CLHC1: variants seen among roughly 807,000 people sequenced by gnomAD.
CLHC1 encodes the protein clathrin heavy chain linker domain containing 1.
In CLHC1, 72 loss-of-function variants were observed where a neutral mutation model predicts 69.5. That is an observed-to-expected ratio of 1.04 (90% CI 0.86 to 1.26). CLHC1 has a LOEUF of 1.26. CLHC1 is among the 50% of genes most tolerant of loss of function. The pLI is 0.00. For synonymous variants in CLHC1, 223 were observed against 224.3 expected (o/e 0.99, Z 0.05); for missense variants, 790 against 679.3 (o/e 1.16, Z -1.81).
At chr2:55,200,597 C>T (rs1373157037) in intron 9 of CLHC1, among the ~76,000 whole-genome samples, 2 of 152,152 alleles carry the variant, frequency 1.3e-5, no homozygotes, top group African/African-American at 4.8e-5. Flanking sequence ...ATTCAACACC[C>T]TCACTTTCAG....
chr2:55,206,369 C>G lies in CLHC1; in HGVS notation c.907G>C (p.Glu303Gln). Residue 303 changes from glutamate (E) to glutamine (Q), a missense_variant, in exon 9 of 13, where the codon GAG becomes CAG. By Grantham distance (29) the Glu-to-Gln change is conservative. Transcript: ENST00000401408. ...IMLHYIERFN[E>Q]LISLGEYEKA... ...TCATATTCACCAAGTGAGATTAACT[C>G]ATTAAACCTATAGCCATCACATTTT... is the stretch of plus-strand genomic sequence containing the variant. 2.5e-6 allele frequency: 4 copies of G among 1,575,362 alleles called. No homozygotes were observed. The highest frequency in any genetic ancestry group is 2.2e-5 in the East Asian group (1 of 44,594).
chr2:55,219,891 T>C (rs1673945235), intron 3 of CLHC1, among the ~76,000 whole-genome samples: 1 of 152,164 alleles, frequency 6.6e-6, no homozygotes, highest in Non-Finnish European at 1.5e-5. Flanking sequence ...GCTACCTCCA[T>C]ATCCCTGCCC....
intron 2 of CLHC1, chr2:55,224,814 G>T: frequency 3.3e-6 from 1 of 302,036 alleles, no homozygotes; most frequent in African/African-American, 2.3e-5. Context: ...CGTCAAAGAG[G>T]CCCCCCAGCC....
At chr2:55,192,719 A>G (rs1056229808) in intron 9 of CLHC1, among the ~76,000 whole-genome samples, 2 of 152,132 alleles carry the variant, frequency 1.3e-5, no homozygotes, top group African/African-American at 4.8e-5. Context: ...TCAAAATTCA[A>G]TGGATACAAA....
chr2:55,181,115 G>C (rs572605454), intron 10 of CLHC1, among the ~76,000 whole-genome samples: 32 of 152,162 alleles, frequency 2.1e-4, no homozygotes, highest in African/African-American at 7.5e-4. Context: ...TGAGTAGCAG[G>C]GACTACAGCC....
At chr2:55,200,041 T>C (rs770513128) in intron 9 of CLHC1, among the ~76,000 whole-genome samples, 1 of 151,972 alleles carries the variant, frequency 6.6e-6, no homozygotes, top group Non-Finnish European at 1.5e-5. Context: ...CCAGGCAACA[T>C]GGTGAGACCT....
chr2:55,219,190 G>A (rs1673872843), intron 3 of CLHC1, among the ~76,000 whole-genome samples: 1 of 152,088 alleles, frequency 6.6e-6, no homozygotes, highest in Non-Finnish European at 1.5e-5. Context: ...GAACTCCTCT[G>A]ATATGCTCCA....
chr2:55,204,240 C>T (rs535593464), intron 9 of CLHC1, among the ~76,000 whole-genome samples: 16 of 152,210 alleles, frequency 1.1e-4, no homozygotes, highest in East Asian at 9.6e-4. Flanking sequence ...GCCGAGATCA[C>T]GCCATTGCAT....
intron 9 of CLHC1, among the ~76,000 whole-genome samples, chr2:55,188,085 G>A (rs1670583120): frequency 1.3e-5 from 2 of 152,240 alleles, no homozygotes; most frequent in Admixed American, 1.3e-4. Context: ...AGGCCAAGGT[G>A]GGAGGATGGC....
chr2:55,230,642 A>C (rs1675215176), intron 1 of CLHC1, among the ~76,000 whole-genome samples: 1 of 152,214 alleles, frequency 6.6e-6, no homozygotes, highest in Admixed American at 6.5e-5. Flanking sequence ...AGGAAGCAGC[A>C]AATGAGCCTG....
At chr2:55,227,860 C>T (rs1055145723) in intron 2 of CLHC1, among the ~76,000 whole-genome samples, 172 bp downstream of exon 2, 3 of 151,664 alleles carry the variant, frequency 2.0e-5, no homozygotes, top group Non-Finnish European at 2.9e-5. Context: ...TTTTCTTTGA[C>T]CAAATTTACT....
At chr2:55,180,388 T>C in intron 11 of CLHC1, 122 bp downstream of exon 11, 1 of 646,000 alleles carries the variant, frequency 1.5e-6, no homozygotes, top group South Asian at 2.1e-5. Flanking sequence ...AATCTCCTAC[T>C]TATTGGTATA....
At position 55,172,889 on chromosome 2, in the gene CLHC1, T is replaced by C. The variant is rs1669075738; in HGVS notation, c.*2901A>G. Reference sequence around the variant, plus strand: ...AGTTCTAAATATTAAAAAAATTTTTTTCATTAGACTAGACTTCTGTTCAAC... The same window carrying C: ...AGTTCTAAATATTAAAAAAATTTTTCTCATTAGACTAGACTTCTGTTCAAC... On this transcript the variant is annotated 3_prime_UTR_variant, in exon 13 of 13. Transcript: ENST00000401408. Among the ~76,000 whole-genome samples the C allele has an allele frequency of 6.6e-6, 1 of 152,184 alleles. No individual in the cohort carries two copies. The highest frequency in any genetic ancestry group is 1.5e-5 in the Non-Finnish European group (1 of 68,014).
intron 10 of CLHC1, 51 bp from the exon 11 acceptor site, chr2:55,180,763 G>A: frequency 6.9e-7 from 1 of 1,439,198 alleles, no homozygotes; most frequent in Non-Finnish European, 9.8e-7. Context: ...CTGATGAGTG[G>A]CTGAGACTGA....
chr2:55,222,473 A>G lies in CLHC1; in HGVS notation c.-62T>C, dbSNP rs1213822246. The G allele has an allele frequency of 2.3e-6, 3 of 1,325,682 alleles. No homozygotes were observed. The highest frequency in any genetic ancestry group is 2.5e-5 in the East Asian group (1 of 40,782). 82.1% of individuals were successfully genotyped at this position (1,325,682 alleles called of 1,614,324 possible). A position where few individuals can be genotyped will look rare whatever the true frequency, so the allele number is the denominator to read the frequency against. On this transcript the variant is annotated 5_prime_UTR_variant, in exon 3 of 13. Transcript: ENST00000401408. ...CTAAATCTTGACCTGCTCTTGCAAC[A>G]AAGCCAAAACTTTGATAAGCCTGAA...
chr2:55,175,442 C>G lies in CLHC1; in HGVS notation c.*348G>C, dbSNP rs1669297171. On this transcript the variant is annotated 3_prime_UTR_variant, in exon 13 of 13. Coordinates refer to ENST00000401408, the MANE Select transcript of CLHC1 (RefSeq NM_152385.4). Reference sequence around the variant, plus strand: ...GGAAGACAGTCTAACACACAGGATACTACCCACACCTTCCTCAGTTCTTGC... The same window carrying G: ...GGAAGACAGTCTAACACACAGGATAGTACCCACACCTTCCTCAGTTCTTGC... 1.0e-5 allele frequency: 2 copies of G among 200,076 alleles called. No homozygotes were observed. The highest frequency in any genetic ancestry group is 2.1e-5 in the Non-Finnish European group (2 of 96,938). The allele number at this position is 200,076 out of a possible 1,614,324, so 12.4% of individuals were successfully genotyped here.
At chr2:55,191,392 T>C (rs999953124) in intron 9 of CLHC1, among the ~76,000 whole-genome samples, 7 of 152,074 alleles carry the variant, frequency 4.6e-5, no homozygotes, top group Admixed American at 2.6e-4. Flanking sequence ...CAGGCCACCA[T>C]GCATGGCTAA....
At position 55,180,508 on chromosome 2, in the gene CLHC1, A is replaced by T. The variant is rs114931154; in HGVS notation, c.1384+2T>A. On this transcript the variant is annotated splice_donor_variant, in intron 11 of 12. Coordinates refer to ENST00000401408, the MANE Select transcript of CLHC1 (RefSeq NM_152385.4). LOFTEE classifies it high-confidence loss of function. ...ATACAAATGGCAGACTTTTTAACTT[A>T]CCGGTAGTAAAGTCCTTCAACTGCT... 18,458 of 1,608,650 alleles carry T rather than the reference A, an allele frequency of 0.011. 132 individuals are homozygous for T. The highest frequency in any genetic ancestry group is 0.013 in the South Asian group (1,210 of 90,830).
intron 1 of CLHC1, chr2:55,231,992 CG>C (rs1292989257): frequency 1.3e-5 from 2 of 152,252 alleles, no homozygotes; most frequent in African/African-American, 4.8e-5. Context: ...CCCCCGCTTC[CG>C]CAGATTTCAC....
Sources: gnomAD v4.1 joint callset for allele counts (sites outside exome capture counted in the v4.1 genomes callset) on GRCh38, gnomAD v4.1.1 for gene constraint, MANE v1.5 for transcripts, NCBI Gene and HGNC (gene_info 2026-07-23, HGNC 2026-07-21) for gene names.